The following KCNU1 variants were observed in gnomAD, a reference collection of about 807,000 sequenced individuals.
KCNU1 encodes the protein potassium calcium-activated channel subfamily U member 1.
KCNU1 carries 93 observed loss-of-function variants against 126.8 expected under a neutral mutation model. That is an observed-to-expected ratio of 0.73 (90% confidence interval 0.62 to 0.87). The LOEUF is 0.87. Among genes scored for constraint, KCNU1 ranks in the 40% least tolerant of loss-of-function variants. KCNU1 has a pLI of 0.00. For synonymous variants in KCNU1, 523 were observed against 494.2 expected (o/e 1.06, Z -0.77); for missense variants, 1,330 against 1,367.1 (o/e 0.97, Z 0.43).
chr8:36,831,441 G>C (rs1379749352), intron 10 of KCNU1, among the ~76,000 whole-genome samples: 2 of 152,086 alleles, frequency 1.3e-5, no homozygotes, highest in Admixed American at 6.5e-5. Flanking sequence ...ACTTTTTAAT[G>C]ATTGCCATTC....
At chr8:36,921,176 T>C (rs1292872637) in intron 23 of KCNU1, among the ~76,000 whole-genome samples, 1 of 152,230 alleles carries the variant, frequency 6.6e-6, no homozygotes. Context: ...CTCAGAGCAA[T>C]AACAGCAGCC....
chr8:36,905,680 A>G (rs757058855), intron 19 of KCNU1, 28 bp from the exon 20 acceptor site: 4 of 1,232,754 alleles, frequency 3.2e-6, no homozygotes, highest in Non-Finnish European at 3.6e-6. Context: ...AAATAGTCTC[A>G]AACTAACTCT....
intron 17 of KCNU1, 54 bp from the exon 18 acceptor site, chr8:36,845,748 C>A (rs1180724573): frequency 4.8e-6 from 7 of 1,469,688 alleles, no homozygotes; most frequent in Non-Finnish European, 6.7e-6. Context: ...AGCACCATGC[C>A]TCCTTTGCAT....
chr8:36,875,857 C>A (rs940695947), intron 19 of KCNU1, among the ~76,000 whole-genome samples: 15 of 152,154 alleles, frequency 9.9e-5, no homozygotes, highest in African/African-American at 3.6e-4. Context: ...TATCCAGAGA[C>A]CTTCTTTCTA....
chr8:36,806,943 G>C (rs1803523667), intron 5 of KCNU1, among the ~76,000 whole-genome samples: 1 of 152,046 alleles, frequency 6.6e-6, no homozygotes, highest in South Asian at 2.1e-4. Context: ...TACAAACATT[G>C]TGAAGCATAT....
In KCNU1 at chr8:36,851,373, T is replaced by TTCTCTCTCTCTCTC. The variant is rs767473600; in HGVS notation, c.1891+5487_1891+5488insCTCTCTCTCTCTCT. Among the ~76,000 whole-genome samples the TTCTCTCTCTCTCTC allele has an allele frequency of 4.2e-3, 583 of 140,348 alleles. 7 individuals are homozygous for TTCTCTCTCTCTCTC. Among genetic ancestry groups the TTCTCTCTCTCTCTC allele is most frequent in the Non-Finnish European group, 6.3e-3 (401 of 63,804 alleles). The allele number at this position is 140,348 out of a possible 152,430, so 92.1% of individuals were successfully genotyped here. A position where few individuals can be genotyped will look rare whatever the true frequency, so the allele number is the denominator to read the frequency against. On this transcript the variant is annotated intron_variant, in intron 18 of 26. Coordinates refer to ENST00000399881, the MANE Select transcript of KCNU1 (RefSeq NM_001031836.3). ...GATGGTTTAAAGTGTGGCACTTCCC[T>TTCTCTCTCTCTCTC]TCTCTCTCTCTCTATCTCTCTCTCT...
At chr8:36,841,833 A>G (rs1804967445) in intron 16 of KCNU1, among the ~76,000 whole-genome samples, 1 of 152,236 alleles carries the variant, frequency 6.6e-6, no homozygotes, top group South Asian at 2.1e-4. Flanking sequence ...CCAAAAACCC[A>G]TAAGTGAATA....
chr8:36,866,203 A>G (rs867423572), intron 19 of KCNU1, among the ~76,000 whole-genome samples: 2 of 152,284 alleles, frequency 1.3e-5, no homozygotes, highest in Middle Eastern at 6.8e-3. Flanking sequence ...CCAATGATGT[A>G]GATTTTGCAA....
chr8:36,858,330 G>C (rs934215096), intron 18 of KCNU1, among the ~76,000 whole-genome samples: 1 of 151,570 alleles, frequency 6.6e-6, no homozygotes, highest in Admixed American at 6.6e-5. Context: ...CTTTATTTTG[G>C]GACTGGAAAT....
intron 19 of KCNU1, among the ~76,000 whole-genome samples, chr8:36,865,453 C>A (rs1338903872): frequency 2.0e-5 from 3 of 151,980 alleles, no homozygotes; most frequent in Non-Finnish European, 2.9e-5. Flanking sequence ...CAGAAACAAC[C>A]TAAGTGTTAT....
intron 24 of KCNU1, among the ~76,000 whole-genome samples, chr8:36,927,218 G>T (rs1808562759): frequency 6.6e-6 from 1 of 152,142 alleles, no homozygotes; most frequent in Non-Finnish European, 1.5e-5. Context: ...ACCTGTGCTG[G>T]TTTTTTCAAT....
intron 7 of KCNU1, 65 bp from the exon 8 acceptor site, chr8:36,814,142 T>C: frequency 7.9e-7 from 1 of 1,262,842 alleles, no homozygotes. Context: ...ATGTTTTGCC[T>C]ATTCTTTAAA....
chr8:36,811,649 T>A (rs915737275), intron 7 of KCNU1, among the ~76,000 whole-genome samples: 1 of 152,146 alleles, frequency 6.6e-6, no homozygotes, highest in African/African-American at 2.4e-5. Flanking sequence ...GTAGTGGTAG[T>A]GGCTGGGCAC....
At chr8:36,917,767 C>T (rs1284420878) in intron 22 of KCNU1, among the ~76,000 whole-genome samples, 1 of 152,190 alleles carries the variant, frequency 6.6e-6, no homozygotes, top group South Asian at 2.1e-4. Flanking sequence ...CAGGCCAGTG[C>T]TGTGCATGCC....
chr8:36,788,664 T>C (rs1260136497), intron 2 of KCNU1, among the ~76,000 whole-genome samples: 1 of 152,222 alleles, frequency 6.6e-6, no homozygotes, highest in East Asian at 1.9e-4. Flanking sequence ...GAATGTTGAA[T>C]CATCTGGAAA....
rs376274848 is a variant in KCNU1, at chr8:36,932,947, T to G, written c.2959T>G (p.Cys987Gly). The G allele has an allele frequency of 9.5e-6, 15 of 1,574,678 alleles. No homozygotes were observed. Among genetic ancestry groups the G allele is most frequent in the Non-Finnish European group, 5.2e-6 (6 of 1,158,016 alleles). ...AAGAAACACCTTTGGACAACTGTTC[T>G]GTGGCTCATTAGATCTTTTTGGAAT... is the stretch of plus-strand genomic sequence containing the variant. ...NPRNTFGQLF[C>G]GSLDLFGILC... Residue 987 changes from cysteine (C) to glycine (G), a missense_variant, in exon 26 of 27, where the codon TGT (cysteine) becomes GGT (glycine). Cys to Gly is a radical substitution (Grantham distance 159). This residue lies in a region of KCNU1 where 1,054 missense variants were observed against 1,053.9 expected (regional missense o/e 1.00). Transcript: ENST00000399881.
intron 19 of KCNU1, among the ~76,000 whole-genome samples, chr8:36,901,733 G>A (rs922132840): frequency 6.6e-6 from 1 of 152,048 alleles, no homozygotes; most frequent in Non-Finnish European, 1.5e-5. Context: ...GCTGTTGCTT[G>A]GGCAGTAAGA....
At chr8:36,835,612 A>T (rs1804719176) in intron 12 of KCNU1, among the ~76,000 whole-genome samples, 1 of 152,178 alleles carries the variant, frequency 6.6e-6, no homozygotes, top group Non-Finnish European at 1.5e-5. Flanking sequence ...AAGTGCTGGG[A>T]TTACAGGCTG....
At chr8:36,827,624 T>C (rs1274200576) in intron 10 of KCNU1, among the ~76,000 whole-genome samples, 1 of 152,176 alleles carries the variant, frequency 6.6e-6, no homozygotes, top group Non-Finnish European at 1.5e-5. Flanking sequence ...GGGAGTTGGC[T>C]GAAGTTACCT....
Sources: gnomAD v4.1 joint callset for allele counts (sites outside exome capture counted in the v4.1 genomes callset) on GRCh38, gnomAD v4.1.1 for gene constraint, gnomAD v4.1.1 regional missense constraint, MANE v1.5 for transcripts, NCBI Gene and HGNC (gene_info 2026-07-23, HGNC 2026-07-21) for gene names.